The following CEP126 variants were observed in gnomAD, a reference collection of about 807,000 sequenced individuals.
CEP126 encodes the protein centrosomal protein 126, also known as centrosomal protein of 126 kDa.
A neutral mutation model predicts 107.8 loss-of-function variants in CEP126; 74 were observed. The ratio of observed to expected loss-of-function variants is 0.69; its 90% CI spans 0.57 to 0.83. CEP126 has a LOEUF of 0.83. CEP126 is among the 40% of genes least tolerant of loss of function. The pLI, the probability that CEP126 is intolerant of heterozygous loss-of-function variation, is 0.00. For missense variants in CEP126, 1,237 were observed against 1,281.9 expected (o/e 0.96, Z 0.53); for synonymous variants, 449 against 446.0 (o/e 1.01, Z -0.08).
At chr11:101,928,579 T>C (rs1271230509) in intron 2 of CEP126, among the ~76,000 whole-genome samples, 2 of 152,202 alleles carry the variant, frequency 1.3e-5, no homozygotes, top group Non-Finnish European at 2.9e-5. Flanking sequence ...GAGGTTTTGT[T>C]TGATAGTTTT....
intron 2 of CEP126, among the ~76,000 whole-genome samples, chr11:101,925,228 C>T (rs1213649093): frequency 6.6e-6 from 1 of 152,144 alleles, no homozygotes; most frequent in African/African-American, 2.4e-5. Context: ...GGAGTACATC[C>T]TCAAGTTACT....
chr11:101,930,665 A>C (rs981035996), intron 2 of CEP126, among the ~76,000 whole-genome samples: 2 of 152,178 alleles, frequency 1.3e-5, no homozygotes, highest in African/African-American at 2.4e-5. Context: ...TCCATTTTAC[A>C]GAGTGCTGAT....
chr11:101,976,537 C>T (rs1469191488), intron 6 of CEP126, among the ~76,000 whole-genome samples: 1 of 152,130 alleles, frequency 6.6e-6, no homozygotes, highest in African/African-American at 2.4e-5. Context: ...TTGTAAGGTT[C>T]TTATCATAAA....
chr11:101,930,761 T>TC (rs1002654524), intron 2 of CEP126, among the ~76,000 whole-genome samples: 5 of 152,172 alleles, frequency 3.3e-5, no homozygotes, highest in African/African-American at 9.7e-5. Context: ...AGAGAAGTTC[T>TC]CCAAGTCCCC....
Position 101,962,544 on chromosome 11 carries a change from A to C in CEP126, c.1509A>C (p.Glu503Asp). 6.2e-7 allele frequency: 1 copy of C among 1,613,134 alleles called. No individual in the cohort carries two copies. Among genetic ancestry groups the C allele is most frequent in the Non-Finnish European group, 8.5e-7 (1 of 1,179,456 alleles). Residue 503 changes from glutamate (E) to aspartate (D), a missense_variant, in exon 6 of 11, where the codon GAA becomes GAC. Glu to Asp is a conservative substitution (Grantham distance 45). Around this residue, in one of 3 missense-constraint regions of CEP126, gnomAD observed 1,134 missense variants for 1,150.5 expected, o/e 0.99. Transcript: ENST00000263468. ...KLDELKDGKE[E>D]EIKYFNCNKE... ...ATGAATTGAAAGATGGTAAAGAAGA[A>C]GAGATAAAATATTTTAATTGCAATA...
At chr11:101,931,488 A>G (rs1415715632) in intron 2 of CEP126, among the ~76,000 whole-genome samples, 1 of 152,196 alleles carries the variant, frequency 6.6e-6, no homozygotes, top group Non-Finnish European at 1.5e-5. Flanking sequence ...TAGTTCTATT[A>G]TAGGCATATT....
At chr11:101,985,020 A>AGTGTGAAG (rs1555058846) in intron 8 of CEP126, among the ~76,000 whole-genome samples, 6 of 152,334 alleles carry the variant, frequency 3.9e-5, no homozygotes, top group African/African-American at 1.2e-4. Flanking sequence ...TGTGAAGGAT[A>AGTGTGAAG]CATCTTATTT....
intron 1 of CEP126, among the ~76,000 whole-genome samples, chr11:101,919,829 C>T (rs1011373818): frequency 1.3e-5 from 2 of 152,202 alleles, no homozygotes; most frequent in Non-Finnish European, 2.9e-5. Flanking sequence ...TTGCTTCTCA[C>T]TTAAGCCAAA....
rs1389053074 is a variant in CEP126, at chr11:101,937,725, C to CA, written c.249-6533dup. ...TGTTGTTTCTCTTTTAAACGTTTGACAAAAAAATTATAATATATCTGAACC... is the reference window on the plus strand; with the variant it reads ...TGTTGTTTCTCTTTTAAACGTTTGACAAAAAAAATTATAATATATCTGAACC... On this transcript the variant is annotated intron_variant, in intron 2 of 10. Transcript: ENST00000263468. 3.3e-5 allele frequency among the ~76,000 whole-genome samples: 5 copies of CA among 151,828 alleles called. No individual in the cohort carries two copies. In the South Asian group the frequency reaches 8.3e-4, roughly 25 times the overall value.
chr11:101,984,918 G>A (rs185709113), intron 8 of CEP126, among the ~76,000 whole-genome samples: 6 of 152,210 alleles, frequency 3.9e-5, no homozygotes, highest in East Asian at 1.9e-4. Flanking sequence ...GCCTGCCATT[G>A]TTCCTTGTTG....
chr11:101,977,630 C>CA (rs952859970), intron 6 of CEP126, among the ~76,000 whole-genome samples: 3,058 of 52,014 alleles, frequency 0.059, 111 homozygotes, highest in African/African-American at 0.077. Context: ...GACTCTGTCT[C>CA]AAAAAAAAAA....
At chr11:101,997,433 G>T (rs892446123) in intron 10 of CEP126, among the ~76,000 whole-genome samples, 166 bp from the exon 11 acceptor site, 1 of 152,182 alleles carries the variant, frequency 6.6e-6, no homozygotes, top group Non-Finnish European at 1.5e-5. Flanking sequence ...ATAATGTAAG[G>T]GTTGAGGTAA....
intron 1 of CEP126, among the ~76,000 whole-genome samples, chr11:101,922,055 G>A (rs1261063069): frequency 6.6e-6 from 1 of 151,814 alleles, no homozygotes; most frequent in African/African-American, 2.4e-5. Flanking sequence ...AAAGTGTTGG[G>A]ATTACAGGTG....
At chr11:101,987,646 G>A (rs1045362808) in intron 9 of CEP126, among the ~76,000 whole-genome samples, 2 of 139,492 alleles carry the variant, frequency 1.4e-5, no homozygotes, top group African/African-American at 5.6e-5. Flanking sequence ...AGGCAGCGCA[G>A]GGAGAGGGAA....
intron 4 of CEP126, among the ~76,000 whole-genome samples, chr11:101,950,528 T>C (rs751171501): frequency 6.6e-6 from 1 of 152,210 alleles, no homozygotes; most frequent in Non-Finnish European, 1.5e-5. Flanking sequence ...TAATACTGTT[T>C]GTTGGTCTTT....
In CEP126 at chr11:101,998,959, C is replaced by T. The variant is rs956056611; in HGVS notation, c.*1316C>T. The T allele has an allele frequency of 1.3e-5, 2 of 151,842 alleles. No homozygotes were observed. The highest frequency in any genetic ancestry group is 1.5e-5 in the Non-Finnish European group (1 of 67,996). 9.4% of individuals were successfully genotyped at this position (151,842 alleles called of 1,614,324 possible). On this transcript the variant is annotated 3_prime_UTR_variant, in exon 11 of 11. Transcript: ENST00000263468. Reference sequence around the variant, plus strand: ...CACACCATGTTAGTAGAAATGGAAACTATTGGATGAAATGAGGAAAAACAG... The same window carrying T: ...CACACCATGTTAGTAGAAATGGAAATTATTGGATGAAATGAGGAAAAACAG...
At chr11:101,923,116 A>G (rs1483714531) in intron 2 of CEP126, among the ~76,000 whole-genome samples, 1 of 152,168 alleles carries the variant, frequency 6.6e-6, no homozygotes, top group Non-Finnish European at 1.5e-5. Context: ...GTCTTTTGGT[A>G]TATAGTTTGA....
rs977411058 is a variant in CEP126 at position 101,986,903 on chromosome 11, C to T, written c.3106C>T (p.Leu1036=). ...VKASVPEDEI[L]TVLNSKQIQK... ...AGCATCAGTGCCGGAGGATGAGATT[C>T]TGACTGTCTTGAATAGCAAACAGAT... Residue 1036 remains leucine, a synonymous_variant, in exon 9 of 11, where the codon CTG becomes TTG. Transcript: ENST00000263468. 4 of 1,613,832 alleles carry T rather than the reference C, an allele frequency of 2.5e-6. No homozygotes were observed. In the East Asian group the frequency reaches 8.9e-5, roughly 36 times the overall value.
intron 4 of CEP126, among the ~76,000 whole-genome samples, chr11:101,949,028 C>T (rs1295903762): frequency 6.6e-6 from 1 of 152,150 alleles, no homozygotes; most frequent in Admixed American, 6.5e-5. Flanking sequence ...GGAAAGACCT[C>T]ATGGGACAGA....
Sources: gnomAD v4.1 joint callset for allele counts (sites outside exome capture counted in the v4.1 genomes callset) on GRCh38, gnomAD v4.1.1 for gene constraint, gnomAD v4.1.1 regional missense constraint, MANE v1.5 for transcripts, NCBI Gene and HGNC (gene_info 2026-07-23, HGNC 2026-07-21) for gene names.